REXO1: variants seen among roughly 807,000 people sequenced by gnomAD.
REXO1 encodes REX1, RNA exonuclease 1 homolog.
REXO1 carries 42 observed loss-of-function variants against 102.6 expected under a neutral mutation model. The ratio of observed to expected loss-of-function variants is 0.41; its 90% CI spans 0.32 to 0.53. The LOEUF (loss-of-function observed/expected upper bound fraction) is 0.53, where lower values mean the gene tolerates loss of function less well. REXO1 is among the 20% of genes least tolerant of loss of function. The pLI is 0.27. For missense variants in REXO1, 1,819 were observed against 1,732.5 expected, an observed-to-expected ratio of 1.05 and a Z score of -0.89; for synonymous variants, 908 against 779.1, an observed-to-expected ratio of 1.17 and a Z score of -2.76.
intron 1 of REXO1, among the ~76,000 whole-genome samples, chr19:1,841,526 C>T (rs2011279378): frequency 6.6e-6 from 1 of 152,230 alleles, no homozygotes; most frequent in Non-Finnish European, 1.5e-5. Flanking sequence ...GTTCAGGAGG[C>T]AACAGGCTCA....
intron 1 of REXO1, among the ~76,000 whole-genome samples, chr19:1,846,545 A>G (rs1041060489): frequency 2.6e-5 from 4 of 152,196 alleles, no homozygotes; most frequent in Non-Finnish European, 5.9e-5. Context: ...ACCCTCAAAA[A>G]TAAGCCTTTG....
intron 1 of REXO1, among the ~76,000 whole-genome samples, chr19:1,840,078 G>A (rs992640410): frequency 3.3e-5 from 5 of 152,188 alleles, no homozygotes; most frequent in Admixed American, 1.3e-4. Flanking sequence ...TGGACCTGTC[G>A]CCAGGACAAA....
intron 5 of REXO1, among the ~76,000 whole-genome samples, chr19:1,820,999 CA>C (rs530711349): frequency 3.2e-3 from 352 of 110,310 alleles, no homozygotes; most frequent in African/African-American, 5.8e-3. Context: ...TGTCTCTAAA[CA>C]AAAAAAAAAA....
chr19:1,818,527 C>T lies in REXO1; in HGVS notation c.2971G>A (p.Asp991Asn), dbSNP rs1281235737. The T allele has an allele frequency of 2.5e-6, 4 of 1,611,828 alleles. No individual in the cohort carries two copies. The African/African-American group carries it at 5.3e-5, about 22-fold the overall frequency. Residue 991 changes from aspartate (D) to asparagine (N), a missense_variant, in exon 10 of 16, where the codon GAC (aspartate) becomes AAC (asparagine). Physicochemically the swap from Asp to Asn is conservative, Grantham distance 23. Coordinates refer to ENST00000170168, the MANE Select transcript of REXO1 (RefSeq NM_020695.4). ...CCCCAGTGGTAATAACACTCCTCGT[C>T]CCGGATGCAGCGGCCTGAAGAGGAC... ...LVSSSGRCIR[D>N]EECYYHWGRL...
chr19:1,837,567 T>C (rs1001888901), intron 1 of REXO1, among the ~76,000 whole-genome samples: 1 of 152,096 alleles, frequency 6.6e-6, no homozygotes, highest in Non-Finnish European at 1.5e-5. Context: ...CTCTCTGAAA[T>C]CCAAGGTGGC....
At chr19:1,817,132 A>AGACCCAGATG in intron 12 of REXO1, 87 bp downstream of exon 12, 3 of 806,494 alleles carry the variant, frequency 3.7e-6, no homozygotes, top group African/African-American at 5.4e-5. Context: ...CCGGTGAGCC[A>AGACCCAGATG]GGCCCAGATG....
intron 1 of REXO1, among the ~76,000 whole-genome samples, chr19:1,840,303 C>A (rs942605439): frequency 6.6e-6 from 1 of 152,094 alleles, no homozygotes; most frequent in Non-Finnish European, 1.5e-5. Flanking sequence ...GACCCAGAGG[C>A]ACGGGCCCCT....
rs776523014 is a variant in REXO1, at chr19:1,826,709, G to A, written c.1911+169C>T. On this transcript the variant is annotated intron_variant, in intron 2 of 15. Coordinates refer to ENST00000170168, the MANE Select transcript of REXO1 (RefSeq NM_020695.4). This position sits in a 1 kb window ranked among gnomAD's most constrained non-coding sequence, Gnocchi z 4.3. ...GGCAACAGGAGCAACAGGGCTGCCC[G>A]GGTGCTCCTGAGCTCCTGAGATTTC... is the stretch of plus-strand genomic sequence containing the variant. Among the ~76,000 whole-genome samples, 3 of 151,998 alleles carry A rather than the reference G, an allele frequency of 2.0e-5. No individual in the cohort carries two copies. Among genetic ancestry groups the A allele is most frequent in the Admixed American group, 6.5e-5 (1 of 15,270 alleles).
In REXO1 at chr19:1,815,960, C is replaced by A. The variant is rs778802321; in HGVS notation, c.*106G>T. 6.5e-7 allele frequency: 1 copy of A among 1,535,376 alleles called. No individual in the cohort carries two copies. The highest frequency in any genetic ancestry group is 8.7e-7 in the Non-Finnish European group (1 of 1,146,604). ...CTCATCCCGCTGCTCTGGGCTGCCT[C>A]GGCCAGGTGGACGGGTTACCGGAGA... is the stretch of plus-strand genomic sequence containing the variant. On this transcript the variant is annotated 3_prime_UTR_variant, in exon 16 of 16. Coordinates refer to ENST00000170168, the MANE Select transcript of REXO1 (RefSeq NM_020695.4). The surrounding 1 kb of genome is among the most constrained non-coding windows in gnomAD (Gnocchi z 4.0).
At chr19:1,837,090 G>A (rs903687981) in intron 1 of REXO1, among the ~76,000 whole-genome samples, 1 of 152,236 alleles carries the variant, frequency 6.6e-6, no homozygotes, top group Non-Finnish European at 1.5e-5. Context: ...CAGCCACAGC[G>A]GCAGAGAAGG....
At position 1,826,992 on chromosome 19, in the gene REXO1, G is replaced by A. The variant is rs2069745459; in HGVS notation, c.1797C>T (p.Tyr599=). Reference sequence around the variant, plus strand: ...AGTCCACCTCCTTCTCCAGGGCCGAGTAGTCCACATCCGCCCCCGCGCTGG... The same window carrying A: ...AGTCCACCTCCTTCTCCAGGGCCGAATAGTCCACATCCGCCCCCGCGCTGG... ...STSSAGADVD[Y]SALEKEVDFD... The change falls in exon 2 of 16, where the codon TAC becomes TAT. Residue 599 remains tyrosine (Y), a synonymous_variant. Transcript: ENST00000170168. The surrounding 1 kb of genome is among the most constrained non-coding windows in gnomAD (Gnocchi z 4.3). The A allele has an allele frequency of 1.3e-6, 2 of 1,557,072 alleles. No homozygotes were observed. Among genetic ancestry groups the A allele is most frequent in the Non-Finnish European group, 1.7e-6 (2 of 1,151,552 alleles).
At chr19:1,831,281 G>C (rs2069893747) in intron 1 of REXO1, among the ~76,000 whole-genome samples, 1 of 152,216 alleles carries the variant, frequency 6.6e-6, no homozygotes, top group African/African-American at 2.4e-5. Context: ...GCTCTGACTT[G>C]ATTCTGACTG....
chr19:1,830,907 G>A (rs952449104), intron 1 of REXO1: 2 of 153,678 alleles, frequency 1.3e-5, no homozygotes, highest in African/African-American at 4.8e-5. Context: ...AGATGACCTA[G>A]AAGCCGAAAC....
At chr19:1,846,771 T>G (rs1019870673) in intron 1 of REXO1, among the ~76,000 whole-genome samples, 8 of 152,120 alleles carry the variant, frequency 5.3e-5, no homozygotes, top group Admixed American at 4.6e-4. Context: ...CCGCCGCCCA[T>G]AGTCCCAGCT....
At chr19:1,842,996 C>T (rs531984442) in intron 1 of REXO1, among the ~76,000 whole-genome samples, 1 of 152,324 alleles carries the variant, frequency 6.6e-6, no homozygotes, top group Non-Finnish European at 1.5e-5. Flanking sequence ...AAGGCGGCTG[C>T]TCTGGAAACC....
rs750413763 is a variant in REXO1, at chr19:1,819,922, G to A, written c.2650+12C>T. 13 of 1,559,172 alleles carry A rather than the reference G, an allele frequency of 8.3e-6. No individual in the cohort carries two copies. Among genetic ancestry groups the A allele is most frequent in the East Asian group, 4.7e-5 (2 of 42,898 alleles). Reference sequence around the variant, plus strand: ...AACCCTGAGCCTCCCCCGCCCACCCGCCAGGACTCACTGCTGAGGCCGGGC... The same window carrying A: ...AACCCTGAGCCTCCCCCGCCCACCCACCAGGACTCACTGCTGAGGCCGGGC... On this transcript the variant is annotated intron_variant, in intron 7 of 15. Coordinates refer to ENST00000170168, the MANE Select transcript of REXO1 (RefSeq NM_020695.4).
At chr19:1,819,515 T>C (rs1243404400) in intron 7 of REXO1, among the ~76,000 whole-genome samples, 1 of 152,132 alleles carries the variant, frequency 6.6e-6, no homozygotes, top group African/African-American at 2.4e-5. Flanking sequence ...CGAGTGCTAA[T>C]GCAGGCGGGG....
At position 1,826,079 on chromosome 19, in the gene REXO1, C is replaced by T; in HGVS notation, c.1912-136G>A. The T allele has an allele frequency of 1.5e-6, 1 of 650,678 alleles. No homozygotes were observed. Among genetic ancestry groups the T allele is most frequent in the East Asian group, 2.8e-5 (1 of 36,114 alleles). 40.3% of individuals were successfully genotyped at this position (650,678 alleles called of 1,614,324 possible). ...GGCACAGCAGCTGAGGGCTCAGGGC[C>T]AACAGTCCCTGGGCTTTGTGTGGGT... On this transcript the variant is annotated intron_variant, in intron 2 of 15. Transcript: ENST00000170168. This position sits in a 1 kb window ranked among gnomAD's most constrained non-coding sequence, Gnocchi z 4.3.
rs1277751036 is a variant in REXO1 at position 1,826,526 on chromosome 19, G to C, written c.1911+352C>G. On this transcript the variant is annotated intron_variant, in intron 2 of 15. Transcript: ENST00000170168. This position sits in a 1 kb window ranked among gnomAD's most constrained non-coding sequence, Gnocchi z 4.3. Reference sequence around the variant, plus strand: ...AGGGGGAAGGGAGGAAAGGGGAGGCGAGGGGAGAGGGGCTAGAAGGGTGTG... The same window carrying C: ...AGGGGGAAGGGAGGAAAGGGGAGGCCAGGGGAGAGGGGCTAGAAGGGTGTG... Among the ~76,000 whole-genome samples the C allele has an allele frequency of 6.6e-6, 1 of 150,408 alleles. No homozygotes were observed. The highest frequency in any genetic ancestry group is 1.5e-5 in the Non-Finnish European group (1 of 67,518).
Sources: gnomAD v4.1 joint callset for allele counts (sites outside exome capture counted in the v4.1 genomes callset) on GRCh38, gnomAD v4.1.1 for gene constraint, Gnocchi (gnomAD v3.1) non-coding constraint, MANE v1.5 for transcripts, NCBI Gene and HGNC (gene_info 2026-07-23, HGNC 2026-07-21) for gene names.